The following AHRR variants were observed in gnomAD, a reference collection of about 807,000 sequenced individuals.
AHRR encodes the protein ahR repressor.
A neutral mutation model predicts 44.0 loss-of-function variants in AHRR; 28 were observed. The ratio of observed to expected loss-of-function variants is 0.64; its 90% CI spans 0.47 to 0.87. The LOEUF is 0.87. Ranked by LOEUF, AHRR falls within the 40% of genes least tolerant of loss-of-function variation. The pLI is 0.00. For missense variants in AHRR, 990 were observed against 953.9 expected, an observed-to-expected ratio of 1.04 and a Z score of -0.50; for synonymous variants, 434 against 407.0, an observed-to-expected ratio of 1.07 and a Z score of -0.80.
At chr5:414,088 C>T (rs1251827158) in intron 5 of AHRR, among the ~76,000 whole-genome samples, 2 of 152,134 alleles carry the variant, frequency 1.3e-5, no homozygotes, top group Non-Finnish European at 2.9e-5. Context: ...CATGGTGAAA[C>T]CCTGTCTCTA....
intron 5 of AHRR, among the ~76,000 whole-genome samples, chr5:420,473 T>TG (rs894920384): frequency 2.0e-5 from 3 of 151,976 alleles, no homozygotes; most frequent in African/African-American, 7.3e-5. Flanking sequence ...TGAACGGAGG[T>TG]GGGGCCTGCA....
intron 4 of AHRR, among the ~76,000 whole-genome samples, chr5:381,144 C>T (rs1386900590): frequency 1.3e-5 from 2 of 152,242 alleles, no homozygotes; most frequent in Non-Finnish European, 2.9e-5. Flanking sequence ...GCTGGGCCTC[C>T]AGCCAGTGGA....
At chr5:351,211 G>C (rs913078199) in intron 2 of AHRR, among the ~76,000 whole-genome samples, 5 of 152,200 alleles carry the variant, frequency 3.3e-5, no homozygotes, top group African/African-American at 1.2e-4. Context: ...CCCAGAAAAT[G>C]AAACAGAATT....
At position 388,299 on chromosome 5, in the gene AHRR, C is replaced by T. The variant is rs150685145; in HGVS notation, c.351+11583C>T. Among the ~76,000 whole-genome samples, 5 of 152,348 alleles carry T rather than the reference C, an allele frequency of 3.3e-5. No individual in the cohort carries two copies. The East Asian group carries it at 5.8e-4, about 18-fold the overall frequency. On this transcript the variant is annotated intron_variant, in intron 4 of 10. Coordinates refer to ENST00000684583, the MANE Select transcript of AHRR (RefSeq NM_001377236.1). This position sits in a 1 kb window ranked among gnomAD's most constrained non-coding sequence, Gnocchi z 5.2. ...CCGAACCCAAGCCCTGAACTGCTGT[C>T]GTACACAGGGCTCAGTGCGACTGCG...
At chr5:374,709 G>A (rs1743717013) in intron 3 of AHRR, among the ~76,000 whole-genome samples, 1 of 152,222 alleles carries the variant, frequency 6.6e-6, no homozygotes, top group Admixed American at 6.5e-5. Context: ...CCGTCTCCGG[G>A]CTTCTGGCTG....
intron 4 of AHRR, among the ~76,000 whole-genome samples, chr5:380,086 A>G (rs1733920429): frequency 1.3e-5 from 2 of 152,150 alleles, no homozygotes; most frequent in Admixed American, 1.3e-4. Context: ...TATTAGAAAG[A>G]CTATCTTTTT....
chr5:352,810 C>G (rs1001344541), intron 2 of AHRR, among the ~76,000 whole-genome samples: 23 of 143,842 alleles, frequency 1.6e-4, no homozygotes, highest in East Asian at 1.0e-3. Context: ...GATGGTCACT[C>G]TGAGGTTAAA....
intron 7 of AHRR, among the ~76,000 whole-genome samples, chr5:425,504 G>C (rs1736344248): frequency 6.6e-6 from 1 of 152,170 alleles, no homozygotes; most frequent in Non-Finnish European, 1.5e-5. Context: ...ATTTTTAGTA[G>C]AGACAGTGTT....
chr5:414,155 A>C (rs543951128), intron 5 of AHRR, among the ~76,000 whole-genome samples: 17 of 152,168 alleles, frequency 1.1e-4, no homozygotes, highest in Admixed American at 2.0e-4. Flanking sequence ...CCCAGCTACT[A>C]GGGAGGCTGA....
chr5:403,357 T>C (rs1560910175), intron 4 of AHRR, among the ~76,000 whole-genome samples: 2 of 152,112 alleles, frequency 1.3e-5, no homozygotes, highest in Admixed American at 6.6e-5. Flanking sequence ...ACCACTTAGG[T>C]CGGGTGCAGT....
intron 4 of AHRR, among the ~76,000 whole-genome samples, chr5:390,420 G>A (rs754453183): frequency 6.6e-6 from 1 of 152,176 alleles, no homozygotes. Flanking sequence ...GCACCGCACC[G>A]ACCAAATGAA....
At chr5:369,049 T>G (rs1022950729) in intron 3 of AHRR, among the ~76,000 whole-genome samples, 20 of 152,214 alleles carry the variant, frequency 1.3e-4, no homozygotes, top group Non-Finnish European at 2.8e-4. Flanking sequence ...TAGGGGAATT[T>G]GGGACTTTGA....
At chr5:425,675 C>T (rs1167922323) in intron 7 of AHRR, among the ~76,000 whole-genome samples, 1 of 152,160 alleles carries the variant, frequency 6.6e-6, no homozygotes, top group Non-Finnish European at 1.5e-5. Flanking sequence ...TACTGTGCAG[C>T]CACTGGAATA....
chr5:421,835 G>A lies in AHRR; in HGVS notation c.442-894G>A, dbSNP rs75844222. Reference sequence around the variant, plus strand: ...GCTTGAAGATGCTCGTCCCTTTAGGGTGAGTTTGTTAGTTACATTCCTCTG... The same window carrying A: ...GCTTGAAGATGCTCGTCCCTTTAGGATGAGTTTGTTAGTTACATTCCTCTG... On this transcript the variant is annotated intron_variant, in intron 5 of 10. Coordinates refer to ENST00000684583, the MANE Select transcript of AHRR (RefSeq NM_001377236.1). Among the ~76,000 whole-genome samples, 98 of 152,274 alleles carry A rather than the reference G, an allele frequency of 6.4e-4. No homozygotes were observed. In the East Asian group the frequency reaches 0.018, roughly 29 times the overall value.
Position 411,884 on chromosome 5 carries a change from G to A in AHRR, c.352-1460G>A, listed in dbSNP as rs1735479191. Among the ~76,000 whole-genome samples the A allele has an allele frequency of 6.6e-6, 1 of 152,174 alleles. No homozygotes were observed. Among genetic ancestry groups the A allele is most frequent in the Non-Finnish European group, 1.5e-5 (1 of 68,032 alleles). ...CCCCCTCACCCCCAGCTTCTACCTCGTGTGGGATGTGAGACTGGGCGAGAT... is the reference window on the plus strand; with the variant it reads ...CCCCCTCACCCCCAGCTTCTACCTCATGTGGGATGTGAGACTGGGCGAGAT... On this transcript the variant is annotated intron_variant, in intron 4 of 10. Transcript: ENST00000684583. The surrounding 1 kb of genome is among the most constrained non-coding windows in gnomAD (Gnocchi z 4.2).
At chr5:373,033 G>A (rs937053052) in intron 3 of AHRR, among the ~76,000 whole-genome samples, 2 of 152,226 alleles carry the variant, frequency 1.3e-5, no homozygotes, top group Non-Finnish European at 2.9e-5. Flanking sequence ...TCACATTCTC[G>A]CTGTTCCAAA....
chr5:353,675 G>A, intron 2 of AHRR, 55 bp from the exon 3 acceptor site: 1 of 1,539,804 alleles, frequency 6.5e-7, no homozygotes, highest in Non-Finnish European at 8.7e-7. Context: ...TCCGCCCCAG[G>A]GGGCCTGTGG....
chr5:433,693 G>T (rs1736845824), intron 10 of AHRR, among the ~76,000 whole-genome samples, 160 bp from the exon 11 acceptor site: 1 of 85,812 alleles, frequency 1.2e-5, no homozygotes, highest in Non-Finnish European at 3.9e-5. Context: ...CTGGGCTGCT[G>T]GGGGGGTTAG....
intron 1 of AHRR, among the ~76,000 whole-genome samples, chr5:340,664 T>TTTTATATATATATATATATATATATATA (rs1371883487): frequency 3.1e-5 from 1 of 31,960 alleles, no homozygotes; most frequent in African/African-American, 2.2e-4. Flanking sequence ...CACAGCAATA[T>TTTTATATATATATATATATATATATATA]TATATATATA....
Sources: allele counts gnomAD v4.1 joint callset (sites outside exome capture counted in the v4.1 genomes callset), GRCh38; gene constraint gnomAD v4.1.1; non-coding constraint Gnocchi (gnomAD v3.1); transcripts MANE v1.5; gene names NCBI Gene and HGNC (gene_info 2026-07-23, HGNC 2026-07-21).